Variants in RNF220 observed in about 807,000 individuals in gnomAD.
The protein encoded by RNF220 is E3 ubiquitin-protein ligase RNF220.
RNF220 carries 7 observed loss-of-function variants against 67.1 expected under a neutral mutation model. The observed-to-expected ratio is 0.10, with a 90% CI of 0.06 to 0.20. The LOEUF (loss-of-function observed/expected upper bound fraction) is 0.20. Among genes scored for constraint, RNF220 ranks in the 10% least tolerant of loss-of-function variants. RNF220 has a pLI of 1.00. For synonymous variants in RNF220, 270 were observed against 283.2 expected (o/e 0.95, Z 0.47); for missense variants, 565 against 740.3 (o/e 0.76, Z 2.75).
intron 2 of RNF220, among the ~76,000 whole-genome samples, chr1:44,612,448 C>T (rs56960214): frequency 0.047 from 7,185 of 152,250 alleles, 225 homozygotes; most frequent in African/African-American, 0.088. Context: ...TAAACCTTCT[C>T]TTTTTTCCAG....
Position 44,626,409 on chromosome 1 carries a change from G to T in RNF220, c.906+11G>T, listed in dbSNP as rs1207290443. 1 of 1,607,228 alleles carries T rather than the reference G, an allele frequency of 6.2e-7. No individual in the cohort carries two copies. The highest frequency in any genetic ancestry group is 1.3e-5 in the African/African-American group (1 of 74,728). On this transcript the variant is annotated intron_variant, in intron 5 of 14. Coordinates refer to ENST00000361799, the MANE Select transcript of RNF220 (RefSeq NM_018150.4). ...TCAGACAGATACCAGGTGAGGAGGG[G>T]TGGTGAGTGGCCATGAGAAGCAAGC... is the stretch of plus-strand genomic sequence containing the variant.
Position 44,650,415 on chromosome 1 carries a change from G to T in RNF220, c.1630-289G>T. On this transcript the variant is annotated intron_variant, in intron 14 of 14. Coordinates refer to ENST00000361799, the MANE Select transcript of RNF220 (RefSeq NM_018150.4). This position sits in a 1 kb window ranked among gnomAD's most constrained non-coding sequence, Gnocchi z 4.3. ...CGTGGGCTCTGTGTCCTGATCAAAGGCCGCGTGTAATCTCGTTAGGGCTGC... is the reference window on the plus strand; with the variant it reads ...CGTGGGCTCTGTGTCCTGATCAAAGTCCGCGTGTAATCTCGTTAGGGCTGC... The T allele has an allele frequency of 1.4e-5, 7 of 510,460 alleles. No individual in the cohort carries two copies. In the South Asian group the frequency reaches 1.4e-4, roughly 10 times the overall value. The allele number at this position is 510,460 out of a possible 1,614,324, so 31.6% of individuals were successfully genotyped here. A position where few individuals can be genotyped will look rare whatever the true frequency, so the allele number is the denominator to read the frequency against.
At chr1:44,570,308 T>C (rs1170308257) in intron 2 of RNF220, among the ~76,000 whole-genome samples, 1 of 152,220 alleles carries the variant, frequency 6.6e-6, no homozygotes, top group Non-Finnish European at 1.5e-5. Flanking sequence ...CATCCAGCGC[T>C]GTCCCTTTCC....
In RNF220 at chr1:44,434,825, C is replaced by T. The variant is rs183366935; in HGVS notation, c.625+22103C>T. Among the ~76,000 whole-genome samples, 7 of 150,958 alleles carry T rather than the reference C, an allele frequency of 4.6e-5. No homozygotes were observed. In the East Asian group the frequency reaches 1.4e-3, roughly 29 times the overall value. On this transcript the variant is annotated intron_variant, in intron 2 of 14. Transcript: ENST00000361799. Reference sequence around the variant, plus strand: ...AGGCCATTGCACAGTAGTTTGAAACCACCTGGGCAACATAGCAACACTCCA... The same window carrying T: ...AGGCCATTGCACAGTAGTTTGAAACTACCTGGGCAACATAGCAACACTCCA...
At chr1:44,418,122 A>AG (rs1002872795) in intron 2 of RNF220, among the ~76,000 whole-genome samples, 12 of 133,930 alleles carry the variant, frequency 9.0e-5, no homozygotes, top group South Asian at 2.2e-4. Context: ...GTGACGGATA[A>AG]GGGGGGGGCG....
intron 2 of RNF220, among the ~76,000 whole-genome samples, chr1:44,579,143 G>A (rs552419794): frequency 3.3e-5 from 5 of 151,192 alleles, no homozygotes; most frequent in Admixed American, 1.3e-4. Flanking sequence ...GTGACAGATC[G>A]AGACTCTGTC....
chr1:44,504,799 T>A (rs113483963), intron 2 of RNF220, among the ~76,000 whole-genome samples: 12 of 152,326 alleles, frequency 7.9e-5, no homozygotes, highest in African/African-American at 2.4e-4. Flanking sequence ...CATATCTGTC[T>A]TAAGAAGCTG....
At chr1:44,436,986 C>A (rs549220397) in intron 2 of RNF220, among the ~76,000 whole-genome samples, 1 of 152,292 alleles carries the variant, frequency 6.6e-6, no homozygotes, top group African/African-American at 2.4e-5. Context: ...TTATGTCCCC[C>A]AGTAAAAGGT....
chr1:44,430,736 A>G (rs900725301), intron 2 of RNF220, among the ~76,000 whole-genome samples: 5 of 152,244 alleles, frequency 3.3e-5, no homozygotes, highest in African/African-American at 9.6e-5. Flanking sequence ...TAGTAGAGAC[A>G]GGGTTTCACC....
In RNF220 at chr1:44,650,016, G is replaced by A. The variant is rs1298815933; in HGVS notation, c.1629+59G>A. 23 of 1,557,544 alleles carry A rather than the reference G, an allele frequency of 1.5e-5. No individual in the cohort carries two copies. The highest frequency in any genetic ancestry group is 2.0e-5 in the Non-Finnish European group (23 of 1,138,266). On this transcript the variant is annotated intron_variant, in intron 14 of 14. Transcript: ENST00000361799. The surrounding 1 kb of genome is among the most constrained non-coding windows in gnomAD (Gnocchi z 4.3). ...CGCTCCGGGCACTGCCCAGATGTCTGTGCTTATGCCTGAGCCTGCCTGGGG... is the reference window on the plus strand; with the variant it reads ...CGCTCCGGGCACTGCCCAGATGTCTATGCTTATGCCTGAGCCTGCCTGGGG...
intron 9 of RNF220, 93 bp downstream of exon 9, chr1:44,644,887 C>T (rs1279311946): frequency 2.6e-6 from 4 of 1,523,040 alleles, no homozygotes; most frequent in Admixed American, 1.7e-5. Context: ...CTGCACCACC[C>T]CCCGGGCCAG....
intron 2 of RNF220, among the ~76,000 whole-genome samples, chr1:44,534,443 T>G (rs1161674695): frequency 6.6e-6 from 1 of 152,184 alleles, no homozygotes; most frequent in African/African-American, 2.4e-5. Flanking sequence ...CATTTAGCAT[T>G]AGGTATATCT....
chr1:44,592,865 G>A (rs1666215153), intron 2 of RNF220, among the ~76,000 whole-genome samples: 1 of 152,102 alleles, frequency 6.6e-6, no homozygotes, highest in Non-Finnish European at 1.5e-5. Context: ...TGTTCCCTAT[G>A]ACAGCCCAGC....
intron 2 of RNF220, among the ~76,000 whole-genome samples, chr1:44,494,615 G>A (rs901251317): frequency 6.6e-6 from 1 of 151,534 alleles, no homozygotes; most frequent in Non-Finnish European, 1.5e-5. Flanking sequence ...AAAAGATACA[G>A]AACACTAGAT....
chr1:44,523,742 T>C (rs900977698), intron 2 of RNF220, among the ~76,000 whole-genome samples: 1 of 152,064 alleles, frequency 6.6e-6, no homozygotes, highest in Admixed American at 6.6e-5. Flanking sequence ...CTCAGAGGGC[T>C]CCCGCCTCTG....
At chr1:44,540,525 T>G (rs1661591906) in intron 2 of RNF220, among the ~76,000 whole-genome samples, 1 of 152,138 alleles carries the variant, frequency 6.6e-6, no homozygotes, top group African/African-American at 2.4e-5. Flanking sequence ...TGAAAAATTT[T>G]GTGTTGTTGC....
At chr1:44,570,107 T>G (rs538197662) in intron 2 of RNF220, among the ~76,000 whole-genome samples, 4 of 152,272 alleles carry the variant, frequency 2.6e-5, no homozygotes, top group Admixed American at 6.5e-5. Flanking sequence ...GTATATATTT[T>G]GGGTAATGGG....
intron 8 of RNF220, among the ~76,000 whole-genome samples, chr1:44,642,494 A>T (rs991716677): frequency 6.6e-6 from 1 of 152,138 alleles, no homozygotes; most frequent in African/African-American, 2.4e-5. Context: ...TATATTGTAG[A>T]CCAGGAGGGA....
chr1:44,634,648 G>C (rs4660283), intron 6 of RNF220, among the ~76,000 whole-genome samples: 35,553 of 152,212 alleles, frequency 0.23, 5,304 homozygotes, highest in Middle Eastern at 0.34. Context: ...CTAGAGGGAA[G>C]AGAGTTTCTT....
Sources: allele counts gnomAD v4.1 joint callset (sites outside exome capture counted in the v4.1 genomes callset), GRCh38; gene constraint gnomAD v4.1.1; non-coding constraint Gnocchi (gnomAD v3.1); transcripts MANE v1.5; gene names NCBI Gene and HGNC (gene_info 2026-07-23, HGNC 2026-07-21).